The following ATAD2B variants were observed in gnomAD, a reference collection of about 807,000 sequenced individuals.
The protein encoded by ATAD2B is ATPase family AAA domain containing 2B, also known as ATPase family AAA domain-containing protein 2B.
A neutral mutation model predicts 167.6 loss-of-function variants in ATAD2B; 40 were observed. The observed-to-expected ratio is 0.24, with a 90% CI of 0.19 to 0.31. ATAD2B has a LOEUF of 0.31. ATAD2B is among the 10% of genes least tolerant of loss of function. The pLI is 1.00. For missense variants in ATAD2B, 1,242 were observed against 1,757.2 expected (o/e 0.71, Z 5.24); for synonymous variants, 579 against 596.5 (o/e 0.97, Z 0.43).
chr2:23,823,693 A>G, intron 15 of ATAD2B, 124 bp from the exon 16 acceptor site: 1 of 835,448 alleles, frequency 1.2e-6, no homozygotes, highest in South Asian at 2.5e-5. Context: ...ACTATGTGCA[A>G]TTTTACCAGC....
At chr2:23,715,809 C>G in the ATAD2B span, among the ~76,000 whole-genome samples, 1 of 152,142 alleles carries the variant, frequency 6.6e-6, no homozygotes, top group African/African-American at 2.4e-5. Flanking sequence ...TAGGCAATTA[C>G]TCCTTTCTTT....
the ATAD2B span, among the ~76,000 whole-genome samples, chr2:23,728,065 T>C: frequency 2.6e-5 from 4 of 152,180 alleles, no homozygotes; most frequent in African/African-American, 9.7e-5. Flanking sequence ...CCTTAGTTAA[T>C]AATGATGTAT....
intron 10 of ATAD2B, 124 bp from the exon 11 acceptor site, chr2:23,865,048 C>A: frequency 3.8e-6 from 2 of 524,840 alleles, no homozygotes; most frequent in South Asian, 3.5e-5. Flanking sequence ...TTAAACATAA[C>A]TACAAATAAG....
intron 8 of ATAD2B, chr2:23,872,498 T>C: frequency 2.6e-6 from 2 of 781,416 alleles, no homozygotes; most frequent in South Asian, 1.4e-5. Flanking sequence ...AGGTGAGCTA[T>C]TTCTTCATTC....
chr2:23,782,864 C>A lies in ATAD2B; in HGVS notation c.3133+5G>T. ...CAAGGGGAACCTTGCCCTATGCATC[C>A]TTACCTCCTGGGTCCTTATCTGGAT... On this transcript the variant is annotated splice_donor_5th_base_variant and intron_variant, in intron 22 of 27. Coordinates refer to ENST00000238789, the MANE Select transcript of ATAD2B (RefSeq NM_017552.4). 6.2e-7 allele frequency: 1 copy of A among 1,605,692 alleles called. No individual in the cohort carries two copies. Among genetic ancestry groups the A allele is most frequent in the East Asian group, 2.2e-5 (1 of 44,514 alleles).
chr2:23,842,877 A>G (rs1354314702), intron 13 of ATAD2B, among the ~76,000 whole-genome samples: 2 of 152,200 alleles, frequency 1.3e-5, no homozygotes, highest in African/African-American at 4.8e-5. Context: ...GTCTCCTAAG[A>G]AAAAGGAAAT....
At chr2:23,923,032 A>G (rs1704187817) in intron 1 of ATAD2B, among the ~76,000 whole-genome samples, 1 of 152,218 alleles carries the variant, frequency 6.6e-6, no homozygotes, top group South Asian at 2.1e-4. Flanking sequence ...AATTGAAATT[A>G]GGATTTCGAC....
At chr2:23,692,954 G>A in the ATAD2B span, among the ~76,000 whole-genome samples, 1 of 152,132 alleles carries the variant, frequency 6.6e-6, no homozygotes, top group Non-Finnish European at 1.5e-5. Context: ...GACTCCTGAC[G>A]CCTGACCCCA....
At chr2:23,713,453 A>C in the ATAD2B span, among the ~76,000 whole-genome samples, 1 of 151,640 alleles carries the variant, frequency 6.6e-6, no homozygotes, top group African/African-American at 2.4e-5. Context: ...CATACCATAC[A>C]CTTCACCCTT....
the ATAD2B span, among the ~76,000 whole-genome samples, chr2:23,735,359 T>C: frequency 7.6e-4 from 116 of 152,370 alleles, 1 homozygote; most frequent in East Asian, 0.017. Flanking sequence ...AAAAGCATTG[T>C]TGTGATGCAC....
At chr2:23,819,639 A>G in intron 17 of ATAD2B, 108 bp downstream of exon 17, 1 of 880,118 alleles carries the variant, frequency 1.1e-6, no homozygotes, top group Non-Finnish European at 1.6e-6. Context: ...AACAACAGAA[A>G]AACAATATCC....
intron 9 of ATAD2B, 45 bp downstream of exon 9, chr2:23,869,618 T>G: frequency 7.2e-7 from 1 of 1,386,266 alleles, no homozygotes; most frequent in Non-Finnish European, 1.0e-6. Context: ...AAAACTTATT[T>G]TTCCTTTTTT....
Position 23,799,189 on chromosome 2 carries a change from C to T in ATAD2B, c.2455-866G>A, listed in dbSNP as rs184990285. On this transcript the variant is annotated intron_variant, in intron 18 of 27. Transcript: ENST00000238789. ...AGTTTAATTATAAAAATCTTTCTTC[C>T]ATTTTGAGAATTCTATTCCTAAAAT... 2.7e-3 allele frequency among the ~76,000 whole-genome samples: 409 copies of T among 152,244 alleles called. 5 individuals carry two copies. The highest frequency in any genetic ancestry group is 3.8e-3 in the Non-Finnish European group (256 of 68,012).
At chr2:23,905,852 T>C (rs1181435520) in intron 1 of ATAD2B, among the ~76,000 whole-genome samples, 1 of 152,218 alleles carries the variant, frequency 6.6e-6, no homozygotes, top group Non-Finnish European at 1.5e-5. Flanking sequence ...AGCACTAAGG[T>C]AGTCCCTGCC....
the ATAD2B span, among the ~76,000 whole-genome samples, chr2:23,688,275 T>TCCTCTCCGTC: frequency 6.6e-6 from 1 of 152,198 alleles, no homozygotes; most frequent in African/African-American, 2.4e-5. Context: ...GCCCAGGCGT[T>TCCTCTCCGTC]CATTCATGGG....
intron 21 of ATAD2B, among the ~76,000 whole-genome samples, chr2:23,783,440 A>G (rs1680358097): frequency 6.6e-6 from 1 of 152,116 alleles, no homozygotes; most frequent in East Asian, 1.9e-4. Flanking sequence ...ATTCTGATAA[A>G]TCTCTTTAAA....
At chr2:23,868,861 G>T (rs1034373494) in intron 9 of ATAD2B, among the ~76,000 whole-genome samples, 3 of 152,040 alleles carry the variant, frequency 2.0e-5, no homozygotes, top group African/African-American at 7.2e-5. Flanking sequence ...AAAAAGTCTA[G>T]CATCTATAAT....
intron 7 of ATAD2B, among the ~76,000 whole-genome samples, chr2:23,878,164 C>G (rs1452961685): frequency 2.0e-5 from 3 of 151,806 alleles, no homozygotes; most frequent in Admixed American, 6.6e-5. Flanking sequence ...AGTTCGAGAT[C>G]AGCCTGGCCA....
intron 18 of ATAD2B, among the ~76,000 whole-genome samples, chr2:23,807,893 T>C (rs1684732791): frequency 8.2e-6 from 1 of 122,502 alleles, no homozygotes; most frequent in South Asian, 2.3e-4. Flanking sequence ...TAAATGTATA[T>C]AATAAAATAT....
Sources: allele counts gnomAD v4.1 joint callset (sites outside exome capture counted in the v4.1 genomes callset), GRCh38; gene constraint gnomAD v4.1.1; transcripts MANE v1.5; gene names NCBI Gene and HGNC (gene_info 2026-07-23, HGNC 2026-07-21).